HKDC1: variants seen among roughly 807,000 people sequenced by gnomAD.
HKDC1 encodes hexokinase HKDC1.
In HKDC1, 66 loss-of-function variants were observed where a neutral mutation model predicts 96.6. That is an observed-to-expected ratio of 0.68 (90% confidence interval 0.56 to 0.84). The LOEUF (loss-of-function observed/expected upper bound fraction) is 0.84. Ranked by LOEUF, HKDC1 falls within the 40% of genes least tolerant of loss-of-function variation. The pLI is 0.00. For synonymous variants in HKDC1, 466 were observed against 473.1 expected (o/e 0.98, Z 0.20); for missense variants, 1,211 against 1,208.1 (o/e 1.00, Z -0.04).
rs750136322 is a variant in HKDC1 at position 69,248,713 on chromosome 10, C to A, written c.1555C>A (p.Leu519Met). 6 of 1,607,900 alleles carry A rather than the reference C, an allele frequency of 3.7e-6. No individual in the cohort carries two copies. Among genetic ancestry groups the A allele is most frequent in the Non-Finnish European group, 5.1e-6 (6 of 1,176,000 alleles). Residue 519 changes from leucine (L) to methionine (M), a missense_variant, in exon 10 of 18, where the codon CTG becomes ATG. Leu to Met is a conservative substitution (Grantham distance 15, BLOSUM62 2). Coordinates refer to ENST00000354624, the MANE Select transcript of HKDC1 (RefSeq NM_025130.4). Reference sequence around the variant, plus strand: ...GATGCTGCCCACCTACGTCTGCGGGCTGCCGGACGGCACAGGTGGGCCAGC... The same window carrying A: ...GATGCTGCCCACCTACGTCTGCGGGATGCCGGACGGCACAGGTGGGCCAGC... ...VRMLPTYVCGLPDGTEKGKFL... is the reference protein window; with the variant it reads ...VRMLPTYVCGMPDGTEKGKFL...
chr10:69,267,467 T>C lies in HKDC1; in HGVS notation c.*710T>C. The C allele has an allele frequency of 2.2e-6, 1 of 455,898 alleles. No homozygotes were observed. The highest frequency in any genetic ancestry group is 2.4e-5 in the Admixed American group (1 of 42,520). 28.2% of individuals were successfully genotyped at this position (455,898 alleles called of 1,614,324 possible). On this transcript the variant is annotated 3_prime_UTR_variant, in exon 18 of 18. Coordinates refer to ENST00000354624, the MANE Select transcript of HKDC1 (RefSeq NM_025130.4). ...TGTTTTTCATTTTGCCTGTGGTTTGTGTTGCAGGTGTTGATAGTTGTTTTA... is the reference window on the plus strand; with the variant it reads ...TGTTTTTCATTTTGCCTGTGGTTTGCGTTGCAGGTGTTGATAGTTGTTTTA...
chr10:69,243,947 G>A (rs1462408738), intron 7 of HKDC1, among the ~76,000 whole-genome samples: 1 of 152,178 alleles, frequency 6.6e-6, no homozygotes, highest in African/African-American at 2.4e-5. Flanking sequence ...TTACGTATGT[G>A]CATGATAGGC....
intron 16 of HKDC1, among the ~76,000 whole-genome samples, chr10:69,263,776 G>A (rs1380467616): frequency 6.6e-6 from 1 of 152,130 alleles, no homozygotes; most frequent in Non-Finnish European, 1.5e-5. Flanking sequence ...GGAATTGCAG[G>A]CTTTCTCTTT....
intron 13 of HKDC1, 98 bp downstream of exon 13, chr10:69,257,229 G>A: frequency 3.5e-6 from 5 of 1,446,982 alleles, no homozygotes; most frequent in Non-Finnish European, 4.9e-6. Flanking sequence ...TCTGGCCTCT[G>A]TCTGCCTTGG....
intron 16 of HKDC1, 199 bp from the exon 17 acceptor site, chr10:69,265,386 A>G (rs1843878967): frequency 1.2e-5 from 7 of 591,500 alleles, no homozygotes; most frequent in Non-Finnish European, 1.5e-5. Context: ...TTATTTTTTA[A>G]AGTTGATGGA....
intron 4 of HKDC1, among the ~76,000 whole-genome samples, chr10:69,233,339 TC>T (rs1406972658): frequency 6.6e-6 from 1 of 152,164 alleles, no homozygotes; most frequent in Non-Finnish European, 1.5e-5. Flanking sequence ...TGGGCACAGC[TC>T]GGGGGAGTAG....
In HKDC1 at chr10:69,265,797, C is replaced by A; in HGVS notation, c.2585C>A (p.Thr862Asn). The change falls in exon 17 of 18, where the codon ACC becomes AAC. Residue 862 changes from threonine to asparagine, a missense_variant. Coordinates refer to ENST00000354624, the MANE Select transcript of HKDC1 (RefSeq NM_025130.4). ...AGGATCACTGTGGGTGTGGACGGCACCCTGTACAAGCTGCACCCTCAGTGA... is the reference window on the plus strand; with the variant it reads ...AGGATCACTGTGGGTGTGGACGGCAACCTGTACAAGCTGCACCCTCAGTGA... ...HLRITVGVDG[T>N]LYKLHPHFSR... 1 of 1,612,606 alleles carries A rather than the reference C, an allele frequency of 6.2e-7. No individual in the cohort carries two copies.
rs537488203 is a variant in HKDC1 at position 69,236,873 on chromosome 10, C to T, written c.496-2169C>T. Reference sequence around the variant, plus strand: ...ATACTTATATTTTATAAAATTTCCTCGCAAACTGCCTTTCAATAAAATCTA... The same window carrying T: ...ATACTTATATTTTATAAAATTTCCTTGCAAACTGCCTTTCAATAAAATCTA... On this transcript the variant is annotated intron_variant, in intron 4 of 17. Coordinates refer to ENST00000354624, the MANE Select transcript of HKDC1 (RefSeq NM_025130.4). 4.6e-5 allele frequency among the ~76,000 whole-genome samples: 7 copies of T among 152,192 alleles called. No homozygotes were observed. In the South Asian group the frequency reaches 1.2e-3, roughly 27 times the overall value.
At chr10:69,227,593 A>G (rs903654331) in intron 2 of HKDC1, among the ~76,000 whole-genome samples, 12 of 150,940 alleles carry the variant, frequency 8.0e-5, no homozygotes, top group Admixed American at 4.0e-4. Flanking sequence ...GGCCTCACAC[A>G]TTTGCTCCCT....
Position 69,248,487 on chromosome 10 carries a change from C to T in HKDC1, c.1329C>T (p.Leu443=), listed in dbSNP as rs1424596341. ...TCCCAAGCTGTGATGTCCGCTTCCT[C>T]CTGTCAGAGAGTGGCAGCACCAAGG... ...KLVPSCDVRF[L]LSESGSTKGA... The change falls in exon 10 of 18, where the codon CTC becomes CTT. Residue 443 remains leucine (L), a synonymous_variant. Coordinates refer to ENST00000354624, the MANE Select transcript of HKDC1 (RefSeq NM_025130.4). The T allele has an allele frequency of 3.7e-6, 6 of 1,608,446 alleles. No individual in the cohort carries two copies. Among genetic ancestry groups the T allele is most frequent in the Middle Eastern group, 1.7e-4 (1 of 6,036 alleles).
intron 16 of HKDC1, among the ~76,000 whole-genome samples, chr10:69,263,514 T>C (rs1843842789): frequency 6.6e-6 from 1 of 152,172 alleles, no homozygotes; most frequent in Non-Finnish European, 1.5e-5. Context: ...GTTTGTCAAA[T>C]GGATGGGACA....
intron 4 of HKDC1, among the ~76,000 whole-genome samples, chr10:69,238,323 C>A (rs759070945): frequency 6.6e-6 from 1 of 152,092 alleles, no homozygotes; most frequent in Middle Eastern, 3.4e-3. Flanking sequence ...GTTTTGTGGA[C>A]CTGGCAAACC....
intron 2 of HKDC1, 64 bp from the exon 3 acceptor site, chr10:69,232,700 T>TGCA (rs1429845275): frequency 6.2e-6 from 9 of 1,463,094 alleles, no homozygotes; most frequent in Admixed American, 3.5e-5. Context: ...CAACCTCTAA[T>TGCA]GCAGAGCTTG....
At chr10:69,257,710 G>A (rs1843742202) in intron 14 of HKDC1, among the ~76,000 whole-genome samples, 1 of 152,064 alleles carries the variant, frequency 6.6e-6, no homozygotes, top group African/African-American at 2.4e-5. Flanking sequence ...GACTACAGTT[G>A]GATCATCTTG....
intron 4 of HKDC1, among the ~76,000 whole-genome samples, chr10:69,233,340 C>T (rs770987435): frequency 6.6e-6 from 1 of 152,070 alleles, no homozygotes; most frequent in Non-Finnish European, 1.5e-5. Flanking sequence ...GGGCACAGCT[C>T]GGGGGAGTAG....
At chr10:69,259,875 G>A (rs1843780898) in intron 15 of HKDC1, among the ~76,000 whole-genome samples, 1 of 152,150 alleles carries the variant, frequency 6.6e-6, no homozygotes, top group East Asian at 1.9e-4. Flanking sequence ...CTCCCAGCAG[G>A]CCCCTCCTCC....
chr10:69,225,922 T>C (rs1843148485), intron 1 of HKDC1: 1 of 152,242 alleles, frequency 6.6e-6, no homozygotes. Context: ...CAGTAGCACG[T>C]GTTCTTCACC....
At chr10:69,249,069 C>G in intron 10 of HKDC1, 2 of 204,366 alleles carry the variant, frequency 9.8e-6, no homozygotes, top group South Asian at 2.5e-4. Flanking sequence ...ATTGCCTGGG[C>G]TTGTCTTCCT....
intron 4 of HKDC1, among the ~76,000 whole-genome samples, chr10:69,237,476 C>A (rs1195713370): frequency 1.3e-5 from 2 of 152,092 alleles, no homozygotes; most frequent in Admixed American, 6.5e-5. Flanking sequence ...TTTACTCATA[C>A]CTATATTAAA....
Sources: gnomAD v4.1 joint callset for allele counts (sites outside exome capture counted in the v4.1 genomes callset) on GRCh38, gnomAD v4.1.1 for gene constraint, MANE v1.5 for transcripts, NCBI Gene and HGNC (gene_info 2026-07-23, HGNC 2026-07-21) for gene names.